THRB: variants seen among roughly 807,000 people sequenced by gnomAD.
The protein encoded by THRB is nuclear receptor subfamily 1 group A member 2.
A neutral mutation model predicts 47.8 loss-of-function variants in THRB; 12 were observed. The ratio of observed to expected loss-of-function variants is 0.25; its 90% CI spans 0.16 to 0.41. THRB has a LOEUF of 0.41. THRB is among the 10% of genes least tolerant of loss of function. The pLI, the probability that THRB is intolerant of heterozygous loss-of-function variation, is 1.00. For missense variants in THRB, 348 were observed against 589.2 expected, an observed-to-expected ratio of 0.59 and a Z score of 4.24; for synonymous variants, 218 against 212.2, an observed-to-expected ratio of 1.03 and a Z score of -0.24.
intron 1 of THRB, among the ~76,000 whole-genome samples, chr3:24,430,417 C>G (rs1353330298): frequency 6.6e-6 from 1 of 151,990 alleles, no homozygotes; most frequent in African/African-American, 2.4e-5. Context: ...AATTGTTTTT[C>G]ATATGAGAAA....
At chr3:24,311,559 C>A (rs1421921176) in intron 2 of THRB, among the ~76,000 whole-genome samples, 1 of 152,128 alleles carries the variant, frequency 6.6e-6, no homozygotes, top group Non-Finnish European at 1.5e-5. Context: ...TTTCCCTAAG[C>A]CCCTTTTTTA....
At chr3:24,130,163 C>T (rs936913397) in intron 9 of THRB, among the ~76,000 whole-genome samples, 3 of 152,146 alleles carry the variant, frequency 2.0e-5, no homozygotes, top group African/African-American at 7.2e-5. Flanking sequence ...CCCACCATCC[C>T]GCCACCATTG....
intron 4 of THRB, among the ~76,000 whole-genome samples, chr3:24,223,227 T>A (rs2047334494): frequency 2.0e-5 from 3 of 152,212 alleles, no homozygotes. Context: ...TGTGTGAGTG[T>A]TTGGTGCACA....
chr3:24,254,762 CA>C (rs1287108568), intron 3 of THRB, among the ~76,000 whole-genome samples: 1 of 152,202 alleles, frequency 6.6e-6, no homozygotes, highest in African/African-American at 2.4e-5. Flanking sequence ...TGCATATACC[CA>C]AACAAAGGCC....
intron 1 of THRB, among the ~76,000 whole-genome samples, chr3:24,412,371 GC>G (rs945828852): frequency 1.3e-5 from 2 of 151,686 alleles, no homozygotes; most frequent in African/African-American, 4.8e-5. Flanking sequence ...TATATGAGAA[GC>G]TTTAAAAAAT....
chr3:24,465,775 A>G (rs2074094964), intron 1 of THRB, among the ~76,000 whole-genome samples: 3 of 152,290 alleles, frequency 2.0e-5, no homozygotes, highest in African/African-American at 7.2e-5. Flanking sequence ...ACTATCTTCA[A>G]GTTCAAGAGA....
At chr3:24,484,689 T>C (rs1697026507) in intron 1 of THRB, among the ~76,000 whole-genome samples, 1 of 152,174 alleles carries the variant, frequency 6.6e-6, no homozygotes, top group South Asian at 2.1e-4. Context: ...AGCCACACCA[T>C]TTGTTCACAT....
At chr3:24,260,942 A>G (rs1022238586) in intron 3 of THRB, among the ~76,000 whole-genome samples, 1 of 152,130 alleles carries the variant, frequency 6.6e-6, no homozygotes, top group African/African-American at 2.4e-5. Context: ...GCTGGCCCCA[A>G]CCCCAGAGTT....
intron 4 of THRB, among the ~76,000 whole-genome samples, chr3:24,217,048 A>G (rs1469790218): frequency 6.7e-6 from 1 of 150,324 alleles, no homozygotes; most frequent in Non-Finnish European, 1.5e-5. Context: ...AACCCTAAGT[A>G]GGAATTACAC....
At chr3:24,279,321 G>A (rs1241070853) in intron 3 of THRB, among the ~76,000 whole-genome samples, 1 of 152,152 alleles carries the variant, frequency 6.6e-6, no homozygotes, top group Non-Finnish European at 1.5e-5. Flanking sequence ...AAGTGAATCA[G>A]TGAAAGAAGC....
intron 1 of THRB, among the ~76,000 whole-genome samples, chr3:24,472,821 T>C (rs1161823281): frequency 6.6e-6 from 1 of 152,250 alleles, no homozygotes; most frequent in East Asian, 1.9e-4. Flanking sequence ...TCAATTCTTC[T>C]TGGTGAAATA....
At chr3:24,239,996 T>C (rs1404528916) in intron 3 of THRB, among the ~76,000 whole-genome samples, 1 of 152,200 alleles carries the variant, frequency 6.6e-6, no homozygotes, top group East Asian at 1.9e-4. Context: ...CAGTTGTTTC[T>C]GGGTTTCCCT....
At chr3:24,362,314 T>C (rs1044360896) in intron 1 of THRB, among the ~76,000 whole-genome samples, 3 of 152,078 alleles carry the variant, frequency 2.0e-5, no homozygotes, top group Non-Finnish European at 4.4e-5. Context: ...CCTCTCTTAA[T>C]CCATTCCATC....
At chr3:24,417,122 ACACACACAC>A (rs2068809122) in intron 1 of THRB, among the ~76,000 whole-genome samples, 1 of 149,998 alleles carries the variant, frequency 6.7e-6, no homozygotes, top group Non-Finnish European at 1.5e-5. Context: ...ACACACACAC[ACACACACAC>A]ACACACACGC....
chr3:24,202,880 G>T (rs1244771928), intron 4 of THRB, among the ~76,000 whole-genome samples: 1 of 152,146 alleles, frequency 6.6e-6, no homozygotes, highest in African/African-American at 2.4e-5. Context: ...GAGGCAATTG[G>T]AGCCCACAGA....
At chr3:24,288,238 G>A (rs1360619319) in intron 3 of THRB, among the ~76,000 whole-genome samples, 1 of 152,262 alleles carries the variant, frequency 6.6e-6, no homozygotes, top group Non-Finnish European at 1.5e-5. Flanking sequence ...TGGAAGCCCA[G>A]AGAAGTCTCA....
intron 1 of THRB, chr3:24,348,825 T>C (rs1186929247): frequency 6.6e-6 from 1 of 152,020 alleles, no homozygotes; most frequent in Non-Finnish European, 1.5e-5. Context: ...TAAGAATAAT[T>C]CAAGGATAAT....
chr3:24,164,209 C>T (rs962663349), intron 5 of THRB, among the ~76,000 whole-genome samples: 1 of 152,080 alleles, frequency 6.6e-6, no homozygotes, highest in African/African-American at 2.4e-5. Context: ...TTTTATTTTT[C>T]AGTATCTTAT....
At chr3:24,152,634 A>T in intron 5 of THRB, 144 bp from the exon 6 acceptor site, 5 of 664,516 alleles carry the variant, frequency 7.5e-6, no homozygotes, top group Middle Eastern at 8.0e-4. Flanking sequence ...ACCAAACGGT[A>T]AGAATTTTAT....
Sources: allele counts gnomAD v4.1 joint callset (sites outside exome capture counted in the v4.1 genomes callset), GRCh38; gene constraint gnomAD v4.1.1; transcripts MANE v1.5; gene names NCBI Gene and HGNC (gene_info 2026-07-23, HGNC 2026-07-21).